FMNL3: variants seen among roughly 807,000 people sequenced by gnomAD.
FMNL3 encodes the protein formin like 3.
A neutral mutation model predicts 119.6 loss-of-function variants in FMNL3; 57 were observed. The ratio of observed to expected loss-of-function variants is 0.48; its 90% CI spans 0.39 to 0.59. The LOEUF (loss-of-function observed/expected upper bound fraction) is 0.59. FMNL3 is among the 20% of genes least tolerant of loss of function. FMNL3 has a pLI of 0.00. For synonymous variants in FMNL3, 491 were observed against 507.3 expected (o/e 0.97, Z 0.43); for missense variants, 1,053 against 1,323.5 (o/e 0.80, Z 3.17).
Position 49,637,440 on chromosome 12 carries a change from T to G in FMNL3, c.*8375A>C. On this transcript the variant is annotated 3_prime_UTR_variant, in exon 26 of 26. Coordinates refer to ENST00000335154, the MANE Select transcript of FMNL3 (RefSeq NM_175736.5). ...CTGTGGCTCTGCCTCCCTGTCTCAC[T>G]CTCCCTATAACTGGCCTCTCCCTGC... 1 of 1,518,598 alleles carries G rather than the reference T, an allele frequency of 6.6e-7. No homozygotes were observed. The highest frequency in any genetic ancestry group is 9.1e-7 in the Non-Finnish European group (1 of 1,096,606). 94.1% of individuals were successfully genotyped at this position (1,518,598 alleles called of 1,614,324 possible). A position where few individuals can be genotyped will look rare whatever the true frequency, so the allele number is the denominator to read the frequency against.
intron 1 of FMNL3, among the ~76,000 whole-genome samples, chr12:49,670,314 CTATT>C (rs1944010271): frequency 6.6e-6 from 1 of 152,342 alleles, no homozygotes; most frequent in East Asian, 1.9e-4. Flanking sequence ...GTCATATTAT[CTATT>C]TATTATAAAC....
intron 1 of FMNL3, among the ~76,000 whole-genome samples, chr12:49,695,729 AT>A (rs1592696159): frequency 6.6e-6 from 1 of 152,002 alleles, no homozygotes; most frequent in East Asian, 1.9e-4. Flanking sequence ...TGTCTTAAAG[AT>A]TTTTTTTCAT....
chr12:49,647,476 G>A lies in FMNL3; in HGVS notation c.2779-108C>T. 7.9e-7 allele frequency: 1 copy of A among 1,264,302 alleles called. No homozygotes were observed. The highest frequency in any genetic ancestry group is 1.1e-6 in the Non-Finnish European group (1 of 877,136). 78.3% of individuals were successfully genotyped at this position (1,264,302 alleles called of 1,614,324 possible). On this transcript the variant is annotated intron_variant, in intron 23 of 25. Coordinates refer to ENST00000335154, the MANE Select transcript of FMNL3 (RefSeq NM_175736.5). This position sits in a 1 kb window ranked among gnomAD's most constrained non-coding sequence, Gnocchi z 4.9. ...TGGCAGTGGGACCCGCTAACTCCAG[G>A]TGGCCACCCTCTGGAGGGGCACTTC...
At position 49,647,473 on chromosome 12, in the gene FMNL3, C is replaced by T; in HGVS notation, c.2779-105G>A. On this transcript the variant is annotated intron_variant, in intron 23 of 25. Coordinates refer to ENST00000335154, the MANE Select transcript of FMNL3 (RefSeq NM_175736.5). This position sits in a 1 kb window ranked among gnomAD's most constrained non-coding sequence, Gnocchi z 4.9. ...GGGTGGCAGTGGGACCCGCTAACTC[C>T]AGGTGGCCACCCTCTGGAGGGGCAC... 1 of 1,285,360 alleles carries T rather than the reference C, an allele frequency of 7.8e-7. No individual in the cohort carries two copies. Among genetic ancestry groups the T allele is most frequent in the South Asian group, 1.2e-5 (1 of 83,582 alleles). 79.6% of individuals were successfully genotyped at this position (1,285,360 alleles called of 1,614,324 possible).
Position 49,649,147 on chromosome 12 carries a change from G to A in FMNL3, c.2397C>T (p.Thr799=), listed in dbSNP as rs777493020. The change falls in exon 21 of 26, where the codon ACC becomes ACT. Residue 799 remains threonine (T), a synonymous_variant. Coordinates refer to ENST00000335154, the MANE Select transcript of FMNL3 (RefSeq NM_175736.5). This position sits in a 1 kb window ranked among gnomAD's most constrained non-coding sequence, Gnocchi z 5.6. ...KLQSLDLLLD[T]KSTDRKMTLL... is the part of the protein sequence containing the mutation. ...GTGTCATCTTCCGGTCAGTGGACTT[G>A]GTATCCAGCAGCTAGGAGAGGGGGT... 1 of 1,613,116 alleles carries A rather than the reference G, an allele frequency of 6.2e-7. No individual in the cohort carries two copies. Among genetic ancestry groups the A allele is most frequent in the South Asian group, 1.1e-5 (1 of 90,898 alleles).
chr12:49,705,656 T>C (rs1248957341), intron 1 of FMNL3, among the ~76,000 whole-genome samples: 1 of 152,164 alleles, frequency 6.6e-6, no homozygotes, highest in Non-Finnish European at 1.5e-5. Flanking sequence ...TGTGAGATGG[T>C]CACAGCACAT....
At chr12:49,691,669 TTCTC>T (rs1185790897) in intron 1 of FMNL3, among the ~76,000 whole-genome samples, 1 of 152,180 alleles carries the variant, frequency 6.6e-6, no homozygotes, top group South Asian at 2.1e-4. Flanking sequence ...CTGGTGCCCT[TTCTC>T]TCTCTCGCAC....
chr12:49,641,574 A>G lies in FMNL3; in HGVS notation c.*4241T>C, dbSNP rs1942657206. The G allele has an allele frequency of 3.2e-6, 1 of 314,570 alleles. No homozygotes were observed. The highest frequency in any genetic ancestry group is 6.6e-5 in the East Asian group (1 of 15,048). The allele number at this position is 314,570 out of a possible 1,614,324, so 19.5% of individuals were successfully genotyped here. The stretch of plus-strand genomic sequence containing the variant: ...GCAAATGTTGATTGAGAATGCATGG[A>G]AGCACTGCTGAGCAGCAGGAGGGCC... On this transcript the variant is annotated 3_prime_UTR_variant, in exon 26 of 26. Coordinates refer to ENST00000335154, the MANE Select transcript of FMNL3 (RefSeq NM_175736.5).
intron 1 of FMNL3, among the ~76,000 whole-genome samples, chr12:49,681,509 C>T (rs1944334767): frequency 6.6e-6 from 1 of 151,338 alleles, no homozygotes; most frequent in Non-Finnish European, 1.5e-5. Flanking sequence ...TTTAAACTTT[C>T]CAGTACAGCA....
chr12:49,682,161 T>C (rs1312239467), intron 1 of FMNL3, among the ~76,000 whole-genome samples: 2 of 151,652 alleles, frequency 1.3e-5, no homozygotes, highest in African/African-American at 2.4e-5. Context: ...AGCTCTGCCT[T>C]CCAGGTTCAC....
chr12:49,645,795 C>T lies in FMNL3; in HGVS notation c.*20G>A. ...TTGTAGGACTCTGAGGGGTGAAGTGCTTCTGCCTCCGAGAGGGTCTCAGTG... is the reference window on the plus strand; with the variant it reads ...TTGTAGGACTCTGAGGGGTGAAGTGTTTCTGCCTCCGAGAGGGTCTCAGTG... On this transcript the variant is annotated 3_prime_UTR_variant, in exon 26 of 26. Coordinates refer to ENST00000335154, the MANE Select transcript of FMNL3 (RefSeq NM_175736.5). The T allele has an allele frequency of 6.3e-7, 1 of 1,590,380 alleles. No individual in the cohort carries two copies. Among genetic ancestry groups the T allele is most frequent in the Non-Finnish European group, 8.5e-7 (1 of 1,170,324 alleles).
rs1432569944 is a variant in FMNL3 at position 49,646,870 on chromosome 12, G to C, written c.2995+16C>G. On this transcript the variant is annotated intron_variant, in intron 25 of 25. Coordinates refer to ENST00000335154, the MANE Select transcript of FMNL3 (RefSeq NM_175736.5). ...GGGTGCAATGGCCAGGCCCCAGGGAGTGAAAAGGGCCCCACCTGTGATGAT... is the reference window on the plus strand; with the variant it reads ...GGGTGCAATGGCCAGGCCCCAGGGACTGAAAAGGGCCCCACCTGTGATGAT... 6.2e-7 allele frequency: 1 copy of C among 1,613,512 alleles called. No individual in the cohort carries two copies. The highest frequency in any genetic ancestry group is 8.5e-7 in the Non-Finnish European group (1 of 1,179,674).
chr12:49,659,505 G>A (rs1004896887), intron 5 of FMNL3, among the ~76,000 whole-genome samples: 1 of 152,090 alleles, frequency 6.6e-6, no homozygotes, highest in Non-Finnish European at 1.5e-5. Flanking sequence ...CTAACTCCTG[G>A]GCTTAAGCAA....
intron 13 of FMNL3, 141 bp from the exon 14 acceptor site, chr12:49,652,353 G>C (rs1286999021): frequency 1.4e-6 from 2 of 1,416,152 alleles, no homozygotes; most frequent in East Asian, 5.1e-5. Context: ...AGAAACCCAG[G>C]TGGGGGAATG....
rs1942185024 is a variant in FMNL3 at position 49,638,674 on chromosome 12, G to T, written c.*7141C>A. On this transcript the variant is annotated 3_prime_UTR_variant, in exon 26 of 26. Coordinates refer to ENST00000335154, the MANE Select transcript of FMNL3 (RefSeq NM_175736.5). ...CTAATGCATTTGAGGAGATAATACA[G>T]TACAGTGGTTAGGAGCGGGACTGGA... is the stretch of plus-strand genomic sequence containing the variant. The T allele has an allele frequency of 6.6e-6, 1 of 152,256 alleles. No homozygotes were observed. Among genetic ancestry groups the T allele is most frequent in the Non-Finnish European group, 1.5e-5 (1 of 68,050 alleles). The allele number at this position is 152,256 out of a possible 1,614,324, so 9.4% of individuals were successfully genotyped here. A position where few individuals can be genotyped will look rare whatever the true frequency, so the allele number is the denominator to read the frequency against.
chr12:49,641,772 C>CAAGTGATGAGGACTTGGA lies in FMNL3; in HGVS notation c.*4042_*4043insTCCAAGTCCTCATCACTT. 1 of 678,618 alleles carries CAAGTGATGAGGACTTGGA rather than the reference C, an allele frequency of 1.5e-6. No homozygotes were observed. The highest frequency in any genetic ancestry group is 2.5e-6 in the Non-Finnish European group (1 of 395,886). The allele number at this position is 678,618 out of a possible 1,614,324, so 42.0% of individuals were successfully genotyped here. ...GATGAGGACTTGGATAACTTGGTTT[C>CAAGTGATGAGGACTTGGA]TAATGCAGACCACAGTCCTGTGGAT... On this transcript the variant is annotated 3_prime_UTR_variant, in exon 26 of 26. Coordinates refer to ENST00000335154, the MANE Select transcript of FMNL3 (RefSeq NM_175736.5).
At chr12:49,706,321 C>T (rs1945046417) in intron 1 of FMNL3, among the ~76,000 whole-genome samples, 1 of 152,172 alleles carries the variant, frequency 6.6e-6, no homozygotes, top group Non-Finnish European at 1.5e-5. Context: ...GGCTAAACAA[C>T]ACAAACCAGT....
At chr12:49,692,451 TA>T (rs1944631778) in intron 1 of FMNL3, among the ~76,000 whole-genome samples, 1 of 151,918 alleles carries the variant, frequency 6.6e-6, no homozygotes, top group Non-Finnish European at 1.5e-5. Flanking sequence ...GCTTATAGAA[TA>T]AAAAATCAGT....
intron 7 of FMNL3, 65 bp downstream of exon 7, chr12:49,657,017 G>C: frequency 2.6e-6 from 4 of 1,561,224 alleles, no homozygotes; most frequent in Non-Finnish European, 3.5e-6. Flanking sequence ...TGCCCTCCTA[G>C]CTCTCCTGGT....
Sources: allele counts gnomAD v4.1 joint callset (sites outside exome capture counted in the v4.1 genomes callset), GRCh38; gene constraint gnomAD v4.1.1; non-coding constraint Gnocchi (gnomAD v3.1); transcripts MANE v1.5; gene names NCBI Gene and HGNC (gene_info 2026-07-23, HGNC 2026-07-21).